The following EFCAB8 variants were observed in gnomAD, a reference collection of about 807,000 sequenced individuals.
EFCAB8 encodes the protein EF-hand calcium-binding domain-containing protein 8.
In EFCAB8, 100 loss-of-function variants were observed where a neutral mutation model predicts 116.3. The ratio of observed to expected loss-of-function variants is 0.86; its 90% confidence interval spans 0.73 to 1.02. EFCAB8 has a LOEUF of 1.02. Ranked by LOEUF, EFCAB8 falls within the 50% of genes least tolerant of loss-of-function variation. EFCAB8 has a pLI of 0.00. For missense variants in EFCAB8, 1,320 were observed against 1,416.9 expected (o/e 0.93, Z 1.10); for synonymous variants, 558 against 567.9 (o/e 0.98, Z 0.25).
intron 23 of EFCAB8, among the ~76,000 whole-genome samples, chr20:32,956,112 C>T (rs1428935573): frequency 2.0e-5 from 3 of 151,924 alleles, no homozygotes; most frequent in Admixed American, 2.0e-4. Context: ...TTTATGTCCT[C>T]TGCTCTTTAA....
At chr20:32,899,404 CAAAAAA>C (rs113891250) in intron 11 of EFCAB8, among the ~76,000 whole-genome samples, 5 of 93,706 alleles carry the variant, frequency 5.3e-5, no homozygotes, top group Non-Finnish European at 1.0e-4. Flanking sequence ...GACTCCGTCT[CAAAAAA>C]AAAAAAAAAA....
intron 4 of EFCAB8, among the ~76,000 whole-genome samples, chr20:32,877,115 C>T (rs1484719919): frequency 6.6e-6 from 1 of 152,032 alleles, no homozygotes; most frequent in Non-Finnish European, 1.5e-5. Context: ...TTGAGAGTCC[C>T]TGCGTTAACT....
chr20:32,860,008 A>G (rs760688832), intron 1 of EFCAB8, among the ~76,000 whole-genome samples: 21 of 152,156 alleles, frequency 1.4e-4, no homozygotes, highest in Admixed American at 5.2e-4. Context: ...TTTGGTTTAC[A>G]TGGCATTTTA....
chr20:32,868,492 G>A (rs1984534640), intron 3 of EFCAB8, among the ~76,000 whole-genome samples: 2 of 152,196 alleles, frequency 1.3e-5, no homozygotes, highest in Non-Finnish European at 2.9e-5. Context: ...ATACCCACAT[G>A]TAACCACTGT....
intron 20 of EFCAB8, among the ~76,000 whole-genome samples, chr20:32,927,422 G>A (rs1987715464): frequency 6.6e-6 from 1 of 152,068 alleles, no homozygotes; most frequent in African/African-American, 2.4e-5. Flanking sequence ...TTGGTTCACT[G>A]CAACCTCCGC....
At chr20:32,911,176 G>GAAAAACAACAAA (rs1986900942) in intron 15 of EFCAB8, among the ~76,000 whole-genome samples, 2 of 152,148 alleles carry the variant, frequency 1.3e-5, no homozygotes, top group Non-Finnish European at 2.9e-5. Context: ...GGGTGGTCAT[G>GAAAAACAACAAA]ATTAATGTTG....
intron 20 of EFCAB8, 80 bp from the exon 21 acceptor site, chr20:32,930,318 T>C: frequency 8.2e-7 from 1 of 1,214,186 alleles, no homozygotes; most frequent in Non-Finnish European, 1.1e-6. Context: ...CAGGTGGGTG[T>C]GGTGACTTGC....
rs1360751971 is a variant in EFCAB8, at chr20:32,912,843, G to A, written c.1835G>A (p.Ser612Asn). 2.8e-6 allele frequency: 2 copies of A among 718,910 alleles called. No homozygotes were observed. Among genetic ancestry groups the A allele is most frequent in the Non-Finnish European group, 5.2e-6 (2 of 385,182 alleles). The allele number at this position is 718,910 out of a possible 1,614,324, so 44.5% of individuals were successfully genotyped here. A position where few individuals can be genotyped will look rare whatever the true frequency, so the allele number is the denominator to read the frequency against. ...MNKVFYVTGW[S>N]KRITHFLFHK... is the part of the protein sequence containing the mutation. ...AAAGTGTTCTATGTGACAGGATGGA[G>A]TAAGAGAATCACTCATTTCCTGTGA... Residue 612 changes from serine (S) to asparagine (N), a missense_variant, in exon 17 of 27, where the codon AGT (serine) becomes AAT (asparagine). By Grantham distance (46) the Ser-to-Asn change is conservative. Transcript: ENST00000400522.
intron 5 of EFCAB8, among the ~76,000 whole-genome samples, chr20:32,881,255 G>A (rs1243873128): frequency 6.6e-6 from 1 of 152,164 alleles, no homozygotes; most frequent in African/African-American, 2.4e-5. Flanking sequence ...GGAATGCAGT[G>A]GTGCGGTCTT....
intron 3 of EFCAB8, among the ~76,000 whole-genome samples, chr20:32,873,136 C>G (rs1189787336): frequency 1.3e-5 from 2 of 151,964 alleles, no homozygotes; most frequent in African/African-American, 4.8e-5. Context: ...AAACAAAAAA[C>G]AAAAACAAAA....
intron 11 of EFCAB8, among the ~76,000 whole-genome samples, chr20:32,902,695 G>A (rs1156271295): frequency 1.3e-5 from 2 of 152,206 alleles, no homozygotes; most frequent in Non-Finnish European, 2.9e-5. Context: ...CTGGTCTCCC[G>A]TTTTGGCGAT....
chr20:32,892,882 C>T (rs1985985784), intron 8 of EFCAB8, among the ~76,000 whole-genome samples: 1 of 150,800 alleles, frequency 6.6e-6, no homozygotes, highest in Non-Finnish European at 1.5e-5. Flanking sequence ...ACTCTGTGTC[C>T]CAGGCTGGAG....
At chr20:32,921,760 T>C (rs1349366144) in intron 20 of EFCAB8, among the ~76,000 whole-genome samples, 1 of 151,966 alleles carries the variant, frequency 6.6e-6, no homozygotes, top group African/African-American at 2.4e-5. Flanking sequence ...TGCTTTTTTC[T>C]GTAAGTCTAT....
chr20:32,957,785 A>G (rs1989018247), intron 23 of EFCAB8, among the ~76,000 whole-genome samples: 1 of 149,696 alleles, frequency 6.7e-6, no homozygotes, highest in African/African-American at 2.5e-5. Flanking sequence ...TGCCCCCGAG[A>G]CAAGAAAGCA....
chr20:32,939,121 CTTTCTCTTTCTT>C (rs1988253608), intron 22 of EFCAB8, among the ~76,000 whole-genome samples: 1 of 114,842 alleles, frequency 8.7e-6, no homozygotes, highest in Non-Finnish European at 1.8e-5. Flanking sequence ...TTCTCTCTTT[CTTTCTCTTTCTT>C]TCTTTCTTTC....
chr20:32,867,913 G>A (rs1043064049), intron 3 of EFCAB8, among the ~76,000 whole-genome samples, 166 bp downstream of exon 3: 7 of 151,756 alleles, frequency 4.6e-5, no homozygotes, highest in Non-Finnish European at 8.8e-5. Context: ...TGATCACCAC[G>A]GCAGCCTCAA....
intron 3 of EFCAB8, among the ~76,000 whole-genome samples, chr20:32,869,897 T>C (rs1019086097): frequency 3.9e-5 from 6 of 152,256 alleles, no homozygotes; most frequent in African/African-American, 1.2e-4. Context: ...TCCTCTGTTT[T>C]CAGACGTTTA....
At chr20:32,875,548 A>G (rs1463727140) in intron 3 of EFCAB8, among the ~76,000 whole-genome samples, 1 of 125,122 alleles carries the variant, frequency 8.0e-6, no homozygotes, top group Non-Finnish European at 1.7e-5. Flanking sequence ...CTTGTTGCCC[A>G]GGCTGGAGTG....
chr20:32,898,081 C>T lies in EFCAB8; in HGVS notation c.958-412C>T, dbSNP rs572297616. Among the ~76,000 whole-genome samples, 5 of 152,322 alleles carry T rather than the reference C, an allele frequency of 3.3e-5. No individual in the cohort carries two copies. The South Asian group carries it at 6.2e-4, about 19-fold the overall frequency. ...CCTCCGCGCTTCCTTGAGCACTCCA[C>T]GCTATGACAAACATGGAGGGTGGCA... On this transcript the variant is annotated intron_variant, in intron 10 of 26. Transcript: ENST00000400522.
Sources: gnomAD v4.1 joint callset for allele counts (sites outside exome capture counted in the v4.1 genomes callset) on GRCh38, gnomAD v4.1.1 for gene constraint, MANE v1.5 for transcripts, NCBI Gene and HGNC (gene_info 2026-07-23, HGNC 2026-07-21) for gene names.